LRP1B: variants seen among roughly 807,000 people sequenced by gnomAD.
The protein encoded by LRP1B is low-density lipoprotein receptor-related protein 1B.
A neutral mutation model predicts 556.6 loss-of-function variants in LRP1B; 217 were observed. The observed-to-expected ratio is 0.39, with a 90% CI of 0.35 to 0.44. LRP1B has a LOEUF of 0.44. Ranked by LOEUF, LRP1B falls within the 20% of genes least tolerant of loss-of-function variation. The pLI is 1.00. For missense variants in LRP1B, 5,053 were observed against 5,620.8 expected (o/e 0.90, Z 3.23); for synonymous variants, 2,047 against 1,865.8 (o/e 1.10, Z -2.50).
intron 1 of LRP1B, among the ~76,000 whole-genome samples, chr2:142,000,030 TA>T (rs398104784): frequency 2.1e-5 from 2 of 96,420 alleles, no homozygotes; most frequent in Non-Finnish European, 5.1e-5. Context: ...ATATACTATA[TA>T]ATATATGTGA....
chr2:141,592,725 G>A (rs906404060), intron 2 of LRP1B, among the ~76,000 whole-genome samples: 1 of 152,100 alleles, frequency 6.6e-6, no homozygotes, highest in Non-Finnish European at 1.5e-5. Context: ...GGCACCTTGT[G>A]AAATTCCTTT....
intron 5 of LRP1B, among the ~76,000 whole-genome samples, chr2:141,232,092 G>T (rs191920011): frequency 2.7e-4 from 41 of 152,274 alleles, no homozygotes; most frequent in Non-Finnish European, 5.7e-4. Flanking sequence ...TGGTTAGCTA[G>T]TCAGTTTCTC....
At chr2:141,901,527 A>C (rs1213336887) in intron 1 of LRP1B, among the ~76,000 whole-genome samples, 1 of 151,956 alleles carries the variant, frequency 6.6e-6, no homozygotes. Context: ...GCTTATATTT[A>C]TTCTTAAATA....
At chr2:141,023,341 T>C (rs11691142) in intron 11 of LRP1B, among the ~76,000 whole-genome samples, 1 of 151,422 alleles carries the variant, frequency 6.6e-6, no homozygotes. Flanking sequence ...AAATTCCTGA[T>C]GTTAACAATA....
rs771361712 is a variant in LRP1B at position 141,595,047 on chromosome 2, A to C, written c.206-114514T>G. 5.3e-4 allele frequency among the ~76,000 whole-genome samples: 81 copies of C among 152,252 alleles called. 1 individual carries two copies. Among genetic ancestry groups the C allele is most frequent in the Non-Finnish European group, 7.6e-4 (52 of 67,980 alleles). ...TATTTTAAAAATCCTAATTCATGAA[A>C]GACGGAATAGTACAAACAGAATATT... On this transcript the variant is annotated intron_variant, in intron 2 of 90. Transcript: ENST00000389484.
intron 68 of LRP1B, among the ~76,000 whole-genome samples, chr2:140,376,256 A>C (rs369333686): frequency 6.6e-6 from 1 of 152,144 alleles, no homozygotes; most frequent in Non-Finnish European, 1.5e-5. Context: ...AAGGATATCT[A>C]CTTTCACATG....
chr2:141,760,574 C>T (rs142819574), intron 2 of LRP1B, among the ~76,000 whole-genome samples: 95 of 152,174 alleles, frequency 6.2e-4, no homozygotes, highest in African/African-American at 2.1e-3. Flanking sequence ...AACTTATATA[C>T]AACAATAAAG....
Position 140,923,070 on chromosome 2 carries a change from G to A in LRP1B, c.3214C>T (p.Arg1072Cys), listed in dbSNP as rs748168852. 5 of 1,612,798 alleles carry A rather than the reference G, an allele frequency of 3.1e-6. No homozygotes were observed. The highest frequency in any genetic ancestry group is 1.3e-5 in the African/African-American group (1 of 74,866). ...PDGNCVPDLW[R>C]CDGEKDCEDG... is the part of the protein sequence containing the mutation. The stretch of plus-strand genomic sequence containing the variant: ...TCACAGTCTTTTTCTCCATCACAGC[G>A]CCACAAATCAGGAACGCAATTACCA... Residue 1072 changes from arginine to cysteine, a missense_variant, in exon 21 of 91, where the codon CGC becomes TGC. Arg to Cys is a radical substitution (Grantham distance 180). This residue lies in a region of LRP1B where 3,619 missense variants were observed against 3,931.9 expected (regional missense o/e 0.92). Coordinates refer to ENST00000389484, the MANE Select transcript of LRP1B (RefSeq NM_018557.3).
Position 140,698,031 on chromosome 2 carries a change from A to G in LRP1B, c.6799+2219T>C, listed in dbSNP as rs150022372. 5.9e-3 allele frequency among the ~76,000 whole-genome samples: 891 copies of G among 152,154 alleles called. 7 individuals carry two copies. The highest frequency in any genetic ancestry group is 9.2e-3 in the Non-Finnish European group (622 of 67,940). On this transcript the variant is annotated intron_variant, in intron 41 of 90. Transcript: ENST00000389484. Reference sequence around the variant, plus strand: ...GAGTGTACACTTTTTGGTGCATTGTATGATGTGTAAACTATACCTAAATAA... The same window carrying G: ...GAGTGTACACTTTTTGGTGCATTGTGTGATGTGTAAACTATACCTAAATAA...
intron 32 of LRP1B, among the ~76,000 whole-genome samples, chr2:140,799,834 G>A (rs1258236047): frequency 2.0e-5 from 3 of 152,094 alleles, no homozygotes; most frequent in East Asian, 1.9e-4. Context: ...CCTGAGTGAT[G>A]CAGAAGACGG....
chr2:141,369,996 G>A (rs1689172583), intron 3 of LRP1B, among the ~76,000 whole-genome samples: 1 of 152,146 alleles, frequency 6.6e-6, no homozygotes, highest in Admixed American at 6.5e-5. Context: ...TGCCTGAAGA[G>A]TACTCCATTA....
chr2:141,221,392 G>A (rs35393585), intron 6 of LRP1B, among the ~76,000 whole-genome samples: 42,156 of 151,682 alleles, frequency 0.28, 6,492 homozygotes, highest in Middle Eastern at 0.47. Context: ...CAATACAGGA[G>A]CACCCAGTTT....
chr2:140,252,741 C>G (rs922753676), intron 86 of LRP1B, among the ~76,000 whole-genome samples: 1 of 152,020 alleles, frequency 6.6e-6, no homozygotes, highest in Non-Finnish European at 1.5e-5. Context: ...GTCAGCTGTG[C>G]CCAATAATCT....
chr2:142,052,676 C>T (rs1488986285), intron 1 of LRP1B, among the ~76,000 whole-genome samples: 1 of 152,150 alleles, frequency 6.6e-6, no homozygotes, highest in African/African-American at 2.4e-5. Context: ...TTTTTCCCTA[C>T]CACTCTCATC....
intron 2 of LRP1B, among the ~76,000 whole-genome samples, chr2:141,789,869 G>A (rs886994276): frequency 2.0e-5 from 3 of 151,948 alleles, no homozygotes; most frequent in African/African-American, 7.3e-5. Context: ...CTACTTAGAG[G>A]AGACTAAAAG....
chr2:141,066,496 G>A (rs566319344), intron 7 of LRP1B, among the ~76,000 whole-genome samples: 2 of 152,064 alleles, frequency 1.3e-5, no homozygotes, highest in East Asian at 3.9e-4. Flanking sequence ...GAAAGCAATT[G>A]TTATACATAC....
intron 34 of LRP1B, 100 bp from the exon 35 acceptor site, chr2:140,769,444 A>G (rs13002947): frequency 0.83 from 1,020,480 of 1,224,778 alleles, 427,183 homozygotes; most frequent in East Asian, 0.97. Context: ...ATCTTAATTT[A>G]TGTTAACAAA....
chr2:141,648,254 A>T (rs1689655784), intron 2 of LRP1B, among the ~76,000 whole-genome samples: 1 of 152,208 alleles, frequency 6.6e-6, no homozygotes. Flanking sequence ...AGCTAACAAC[A>T]TTCATTGAGT....
chr2:141,742,311 G>A lies in LRP1B; in HGVS notation c.205+67968C>T, dbSNP rs1170712075. Among the ~76,000 whole-genome samples the A allele has an allele frequency of 5.4e-5, 8 of 149,052 alleles. No individual in the cohort carries two copies. In the Admixed American group the frequency reaches 5.4e-4, roughly 10 times the overall value. On this transcript the variant is annotated intron_variant, in intron 2 of 90. Coordinates refer to ENST00000389484, the MANE Select transcript of LRP1B (RefSeq NM_018557.3). ...CTGTTGCCTAGGCTGGAGTGTAGTG[G>A]TGCAATCTCGACTCACTGACACGGC...
Sources: gnomAD v4.1 joint callset for allele counts (sites outside exome capture counted in the v4.1 genomes callset) on GRCh38, gnomAD v4.1.1 for gene constraint, gnomAD v4.1.1 regional missense constraint, MANE v1.5 for transcripts, NCBI Gene and HGNC (gene_info 2026-07-23, HGNC 2026-07-21) for gene names.